FCHSD2: variants seen among roughly 807,000 people sequenced by gnomAD.
FCHSD2 encodes the protein F-BAR and double SH3 domains protein 2.
A neutral mutation model predicts 108.1 loss-of-function variants in FCHSD2; 38 were observed. The observed-to-expected ratio is 0.35, with a 90% CI of 0.27 to 0.46. The LOEUF (loss-of-function observed/expected upper bound fraction) is 0.46. Ranked by LOEUF, FCHSD2 falls within the 20% of genes least tolerant of loss-of-function variation. The pLI is 1.00. For missense variants in FCHSD2, 751 were observed against 897.8 expected (o/e 0.84, Z 2.09); for synonymous variants, 279 against 314.7 (o/e 0.89, Z 1.20).
intron 10 of FCHSD2, among the ~76,000 whole-genome samples, chr11:72,890,894 A>G (rs1414331042): frequency 2.6e-5 from 4 of 152,114 alleles, no homozygotes; most frequent in Non-Finnish European, 5.9e-5. Flanking sequence ...GATAATTAGG[A>G]ATTTTTTTTA....
chr11:73,047,820 T>C (rs948949558), intron 3 of FCHSD2, among the ~76,000 whole-genome samples: 5 of 152,212 alleles, frequency 3.3e-5, no homozygotes, highest in Admixed American at 2.6e-4. Flanking sequence ...TCAGTAAATA[T>C]TTGCTAATGA....
chr11:72,943,698 T>C (rs1323197179), intron 8 of FCHSD2, among the ~76,000 whole-genome samples: 4 of 152,220 alleles, frequency 2.6e-5, no homozygotes, highest in Non-Finnish European at 4.4e-5. Flanking sequence ...TTTTGTTCAC[T>C]GAGGCACTCA....
intron 8 of FCHSD2, among the ~76,000 whole-genome samples, chr11:72,983,571 T>C (rs543144853): frequency 6.6e-6 from 1 of 152,324 alleles, no homozygotes; most frequent in South Asian, 2.1e-4. Flanking sequence ...ACTATAAAAA[T>C]ATATTTTTAA....
rs148100572 is a variant in FCHSD2, at chr11:73,061,438, G to A, written c.165+22257C>T. ...TTTTTTTCCATACCCCAGTGGCACC[G>A]GGAATACCAGTGAGACAGAACGATT... On this transcript the variant is annotated intron_variant, in intron 3 of 19. Coordinates refer to ENST00000409418, the MANE Select transcript of FCHSD2 (RefSeq NM_014824.3). Among the ~76,000 whole-genome samples, 472 of 152,286 alleles carry A rather than the reference G, an allele frequency of 3.1e-3. 1 individual carries two copies. Among genetic ancestry groups the A allele is most frequent in the African/African-American group, 0.011 (449 of 41,562 alleles).
At chr11:73,023,158 C>T (rs1408042574) in intron 3 of FCHSD2, among the ~76,000 whole-genome samples, 1 of 151,928 alleles carries the variant, frequency 6.6e-6, no homozygotes, top group African/African-American at 2.4e-5. Flanking sequence ...ACATATAACA[C>T]CAGAACCAAG....
chr11:72,902,736 T>C (rs921973476), intron 9 of FCHSD2, 98 bp from the exon 10 acceptor site: 2 of 683,444 alleles, frequency 2.9e-6, no homozygotes, highest in Non-Finnish European at 4.7e-6. Flanking sequence ...TCTATACAAA[T>C]GAGAAATCAT....
Position 72,836,792 on chromosome 11 carries a change from A to G in FCHSD2, c.*1999T>C, listed in dbSNP as rs1860741652. The G allele has an allele frequency of 1.3e-5, 2 of 152,590 alleles. No homozygotes were observed. The highest frequency in any genetic ancestry group is 4.8e-5 in the African/African-American group (2 of 41,420). The allele number at this position is 152,590 out of a possible 1,614,324, so 9.5% of individuals were successfully genotyped here. A position where few individuals can be genotyped will look rare whatever the true frequency, so the allele number is the denominator to read the frequency against. ...CAACATTTTATACATAATAAATACA[A>G]ACTTTTTACAGCCACTGTAAAGAAA... On this transcript the variant is annotated 3_prime_UTR_variant, in exon 20 of 20. Transcript: ENST00000409418.
chr11:72,988,019 GC>G (rs1857342382), intron 6 of FCHSD2, among the ~76,000 whole-genome samples: 1 of 152,286 alleles, frequency 6.6e-6, no homozygotes, highest in Admixed American at 6.5e-5. Context: ...TCACTTACCA[GC>G]CCTTGATAAA....
intron 17 of FCHSD2, among the ~76,000 whole-genome samples, 199 bp downstream of exon 17, chr11:72,842,422 T>C (rs1394470073): frequency 6.6e-6 from 1 of 152,176 alleles, no homozygotes; most frequent in African/African-American, 2.4e-5. Flanking sequence ...AAGATGGAGG[T>C]GTGGGAGGAT....
At chr11:73,031,622 T>A (rs977405443) in intron 3 of FCHSD2, among the ~76,000 whole-genome samples, 1 of 152,202 alleles carries the variant, frequency 6.6e-6, no homozygotes, top group Non-Finnish European at 1.5e-5. Context: ...CTGAATGTAG[T>A]AAGTATCCTA....
intron 3 of FCHSD2, among the ~76,000 whole-genome samples, chr11:73,059,730 C>CT (rs1467380187): frequency 6.7e-6 from 1 of 150,092 alleles, no homozygotes; most frequent in African/African-American, 2.4e-5. Context: ...CTTTTTTTTT[C>CT]TTTTTTTCCC....
chr11:73,105,377 T>C lies in FCHSD2; in HGVS notation c.120-21637A>G, dbSNP rs552989438. 4.6e-5 allele frequency among the ~76,000 whole-genome samples: 7 copies of C among 152,318 alleles called. No individual in the cohort carries two copies. In the East Asian group the frequency reaches 9.6e-4, roughly 21 times the overall value. On this transcript the variant is annotated intron_variant, in intron 2 of 19. Coordinates refer to ENST00000409418, the MANE Select transcript of FCHSD2 (RefSeq NM_014824.3). ...ACACCTTCCCTTCCACTGTCTACAG[T>C]ACACCCTCTATATAAGACACCACCA...
chr11:73,139,765 A>C (rs1346164873), intron 2 of FCHSD2, among the ~76,000 whole-genome samples: 2 of 152,242 alleles, frequency 1.3e-5, no homozygotes, highest in African/African-American at 2.4e-5. Context: ...TTAAACAAGA[A>C]TCTTTAATTA....
chr11:73,127,860 G>A (rs1296362300), intron 2 of FCHSD2, among the ~76,000 whole-genome samples: 2 of 151,648 alleles, frequency 1.3e-5, no homozygotes, highest in Non-Finnish European at 2.9e-5. Flanking sequence ...GGGGGGCGGG[G>A]GTGGGAATCA....
chr11:73,053,506 T>G (rs1858951131), intron 3 of FCHSD2, among the ~76,000 whole-genome samples: 1 of 152,222 alleles, frequency 6.6e-6, no homozygotes, highest in African/African-American at 2.4e-5. Context: ...CACAGCAACA[T>G]ATTTTTAAAT....
chr11:73,107,979 G>C (rs1314249749), intron 2 of FCHSD2, among the ~76,000 whole-genome samples: 1 of 152,172 alleles, frequency 6.6e-6, no homozygotes, highest in Non-Finnish European at 1.5e-5. Context: ...TTAGTTTTCT[G>C]AGTGAACTCC....
chr11:72,955,974 A>C (rs1052130145), intron 8 of FCHSD2, among the ~76,000 whole-genome samples: 2 of 152,182 alleles, frequency 1.3e-5, no homozygotes, highest in African/African-American at 4.8e-5. Context: ...TTTAAATATC[A>C]TCCTCCACTA....
At chr11:72,941,268 C>T (rs1565333547) in intron 8 of FCHSD2, among the ~76,000 whole-genome samples, 1 of 152,084 alleles carries the variant, frequency 6.6e-6, no homozygotes, top group African/African-American at 2.4e-5. Context: ...CATAGAATGA[C>T]AGTAAATATT....
chr11:73,002,299 A>G (rs945256431), intron 4 of FCHSD2, among the ~76,000 whole-genome samples: 1 of 152,242 alleles, frequency 6.6e-6, no homozygotes, highest in East Asian at 1.9e-4. Context: ...GAATCGGTTT[A>G]GATGGAAATA....
Sources: allele counts gnomAD v4.1 joint callset (sites outside exome capture counted in the v4.1 genomes callset), GRCh38; gene constraint gnomAD v4.1.1; transcripts MANE v1.5; gene names NCBI Gene and HGNC (gene_info 2026-07-23, HGNC 2026-07-21).